RALYL: variants seen among roughly 807,000 people sequenced by gnomAD.
RALYL encodes the protein RALY RNA binding protein like.
Under a neutral mutation model 35.1 loss-of-function variants are expected in RALYL, and 29 were observed. That is an observed-to-expected ratio of 0.83 (90% CI 0.61 to 1.13). RALYL has a LOEUF of 1.13. RALYL is among the 50% of genes most tolerant of loss of function. The pLI, the probability that RALYL is intolerant of heterozygous loss-of-function variation, is 0.00. For synonymous variants in RALYL, 120 were observed against 127.6 expected (o/e 0.94, Z 0.40); for missense variants, 359 against 360.4 (o/e 1.00, Z 0.03).
At position 84,706,138 on chromosome 8, in the gene RALYL, G is replaced by T. The variant is rs1841168421; in HGVS notation, c.257-68441G>T. The stretch of plus-strand genomic sequence containing the variant: ...CTTGATTTCTTAAAAGACTAATCAT[G>T]ACTTCTTCAGATACATCCTGGTAGT... On this transcript the variant is annotated intron_variant, in intron 2 of 8. Coordinates refer to ENST00000521268, the MANE Select transcript of RALYL (RefSeq NM_173848.7). The T allele has an allele frequency of 2.0e-5, 26 of 1,289,726 alleles. 2 individuals carry two copies. In the South Asian group the frequency reaches 3.1e-4, roughly 15 times the overall value. The allele number at this position is 1,289,726 out of a possible 1,614,324, so 79.9% of individuals were successfully genotyped here.
At chr8:84,540,722 A>G (rs1341310933) in intron 2 of RALYL, among the ~76,000 whole-genome samples, 1 of 152,042 alleles carries the variant, frequency 6.6e-6, no homozygotes, top group Non-Finnish European at 1.5e-5. Flanking sequence ...GTTATCTGGA[A>G]GAATCTGCAT....
intron 2 of RALYL, among the ~76,000 whole-genome samples, chr8:84,573,237 G>A (rs1045126030): frequency 3.3e-5 from 5 of 150,872 alleles, no homozygotes; most frequent in Admixed American, 6.6e-5. Context: ...TCCTTCTAGG[G>A]TTCTTTTCTT....
Position 84,735,370 on chromosome 8 carries a change from G to A in RALYL, c.257-39209G>A, listed in dbSNP as rs78713842. ...TTAGTATCTTAGGTTAAAAAACAAAGCAACTTAAAGGCAATTTTTAAAAAT... is the reference window on the plus strand; with the variant it reads ...TTAGTATCTTAGGTTAAAAAACAAAACAACTTAAAGGCAATTTTTAAAAAT... On this transcript the variant is annotated intron_variant, in intron 2 of 8. Coordinates refer to ENST00000521268, the MANE Select transcript of RALYL (RefSeq NM_173848.7). Among the ~76,000 whole-genome samples, 9 of 151,992 alleles carry A rather than the reference G, an allele frequency of 5.9e-5. No individual in the cohort carries two copies. The East Asian group carries it at 1.7e-3, about 29-fold the overall frequency.
At chr8:84,211,158 T>A (rs10100325) in intron 1 of RALYL, among the ~76,000 whole-genome samples, 35,636 of 151,888 alleles carry the variant, frequency 0.23, 4,283 homozygotes, top group Non-Finnish European at 0.27. Context: ...TGCTCATATC[T>A]GTCATCAAGT....
chr8:84,375,268 T>G (rs1856686212), intron 1 of RALYL, among the ~76,000 whole-genome samples: 1 of 151,864 alleles, frequency 6.6e-6, no homozygotes, highest in African/African-American at 2.4e-5. Context: ...GTATCTTGAC[T>G]GCAACCCACA....
chr8:84,274,801 G>A (rs2131994753), intron 1 of RALYL, among the ~76,000 whole-genome samples: 2 of 152,244 alleles, frequency 1.3e-5, no homozygotes, highest in South Asian at 4.1e-4. Flanking sequence ...CTAGAACTCT[G>A]CCAAAACTCT....
chr8:84,691,881 C>A (rs1450422903), intron 2 of RALYL, among the ~76,000 whole-genome samples: 2 of 151,900 alleles, frequency 1.3e-5, no homozygotes, highest in Non-Finnish European at 2.9e-5. Context: ...TGCAGTGATT[C>A]ATAGAAAGTA....
chr8:84,609,445 C>T (rs1046766388), intron 2 of RALYL, among the ~76,000 whole-genome samples: 8 of 152,046 alleles, frequency 5.3e-5, no homozygotes, highest in Non-Finnish European at 1.0e-4. Flanking sequence ...AATTCCTTCC[C>T]CTTTCTTGTC....
At chr8:84,409,736 C>T (rs545365069) in intron 1 of RALYL, among the ~76,000 whole-genome samples, 1 of 151,918 alleles carries the variant, frequency 6.6e-6, no homozygotes, top group African/African-American at 2.4e-5. Context: ...CAACTAAGAT[C>T]CTAAAGACCA....
chr8:84,607,664 T>A (rs1817440791), intron 2 of RALYL, among the ~76,000 whole-genome samples: 1 of 152,106 alleles, frequency 6.6e-6, no homozygotes, highest in Admixed American at 6.6e-5. Context: ...CCCTGGACAC[T>A]GAGCATTAGA....
At chr8:84,757,956 T>C (rs1391241318) in intron 2 of RALYL, among the ~76,000 whole-genome samples, 1 of 151,970 alleles carries the variant, frequency 6.6e-6, no homozygotes, top group Non-Finnish European at 1.5e-5. Context: ...AAGCAAAATA[T>C]AGGAGAAAAA....
chr8:84,279,366 A>G (rs1208407931), intron 1 of RALYL, among the ~76,000 whole-genome samples: 1 of 152,150 alleles, frequency 6.6e-6, no homozygotes, highest in Non-Finnish European at 1.5e-5. Flanking sequence ...AGCCAACAAG[A>G]TAGGTAAGTT....
At chr8:84,617,059 T>G (rs1819899608) in intron 2 of RALYL, among the ~76,000 whole-genome samples, 1 of 150,852 alleles carries the variant, frequency 6.6e-6, no homozygotes, top group Admixed American at 6.6e-5. Context: ...GGCTTAGGAT[T>G]GACTCGGTGA....
chr8:84,481,033 C>T (rs567068752), intron 1 of RALYL, among the ~76,000 whole-genome samples: 2 of 152,210 alleles, frequency 1.3e-5, no homozygotes, highest in South Asian at 4.1e-4. Context: ...AAAATACATA[C>T]TTTGTTATCA....
At chr8:84,643,179 T>G (rs1826755513) in intron 2 of RALYL, among the ~76,000 whole-genome samples, 1 of 151,698 alleles carries the variant, frequency 6.6e-6, no homozygotes, top group Non-Finnish European at 1.5e-5. Flanking sequence ...CACCTCAGTT[T>G]CAAACAGTCC....
chr8:84,434,520 A>G (rs764732731), intron 1 of RALYL, among the ~76,000 whole-genome samples: 1 of 152,190 alleles, frequency 6.6e-6, no homozygotes, highest in Non-Finnish European at 1.5e-5. Context: ...GTACCAGAAC[A>G]TGCTGCACAC....
At chr8:84,570,114 T>G (rs1807562251) in intron 2 of RALYL, among the ~76,000 whole-genome samples, 1 of 151,922 alleles carries the variant, frequency 6.6e-6, no homozygotes, top group Non-Finnish European at 1.5e-5. Context: ...GTTTTCTAAT[T>G]CTGTGAAAAA....
At chr8:84,363,740 C>T (rs952034426) in intron 1 of RALYL, among the ~76,000 whole-genome samples, 2 of 152,096 alleles carry the variant, frequency 1.3e-5, no homozygotes, top group African/African-American at 2.4e-5. Flanking sequence ...ATGCTGGGGA[C>T]ATTTTCCAGC....
intron 2 of RALYL, among the ~76,000 whole-genome samples, chr8:84,538,556 A>G (rs183963091): frequency 2.4e-3 from 372 of 152,298 alleles, no homozygotes; most frequent in African/African-American, 8.5e-3. Flanking sequence ...GAGAATAAAA[A>G]CATAGTGCCT....
Sources: allele counts gnomAD v4.1 joint callset (sites outside exome capture counted in the v4.1 genomes callset), GRCh38; gene constraint gnomAD v4.1.1; transcripts MANE v1.5; gene names NCBI Gene and HGNC (gene_info 2026-07-23, HGNC 2026-07-21).